Variants in MYO3A observed in about 807,000 individuals in gnomAD.
The protein encoded by MYO3A is myosin-IIIa.
Under a neutral mutation model 192.7 loss-of-function variants are expected in MYO3A, and 180 were observed. That is an observed-to-expected ratio of 0.93 (90% confidence interval 0.83 to 1.06). The LOEUF (loss-of-function observed/expected upper bound fraction) is 1.06. MYO3A is among the 50% of genes least tolerant of loss of function. MYO3A has a pLI of 0.00. For missense variants in MYO3A, 1,896 were observed against 1,905.0 expected (o/e 1.00, Z 0.09); for synonymous variants, 628 against 645.3 (o/e 0.97, Z 0.41).
chr10:26,102,577 T>C lies in MYO3A; in HGVS notation c.1776+5895T>C, dbSNP rs557243773. On this transcript the variant is annotated intron_variant, in intron 17 of 34. Coordinates refer to ENST00000642920, the MANE Select transcript of MYO3A (RefSeq NM_017433.5). ...AATGATGGTGATGTACAGATGGGCT[T>C]TTGGTGTGTATGTCCTTTCTATTTG... Among the ~76,000 whole-genome samples the C allele has an allele frequency of 7.2e-4, 110 of 152,294 alleles. 1 individual carries two copies. Among genetic ancestry groups the C allele is most frequent in the African/African-American group, 2.6e-3 (107 of 41,566 alleles).
rs116929909 is a variant in MYO3A at position 26,101,464 on chromosome 10, G to C, written c.1776+4782G>C. Among the ~76,000 whole-genome samples, 95 of 152,246 alleles carry C rather than the reference G, an allele frequency of 6.2e-4. 4 individuals carry two copies. In the East Asian group the frequency reaches 0.018, roughly 29 times the overall value. ...ATGATGTTACCTGGTTATTTTGCTTGTTCTTTGATGCAGTTTCTTCCTAGC... is the reference window on the plus strand; with the variant it reads ...ATGATGTTACCTGGTTATTTTGCTTCTTCTTTGATGCAGTTTCTTCCTAGC... On this transcript the variant is annotated intron_variant, in intron 17 of 34. Transcript: ENST00000642920.
chr10:25,941,259 GT>G, intron 2 of MYO3A, among the ~76,000 whole-genome samples: 1 of 152,190 alleles, frequency 6.6e-6, no homozygotes, highest in South Asian at 2.1e-4. Flanking sequence ...AACCCTGACA[GT>G]TTCTGTCCTA....
chr10:25,998,311 T>C (rs12254208), intron 6 of MYO3A, among the ~76,000 whole-genome samples: 14,549 of 152,226 alleles, frequency 0.096, 1,234 homozygotes, highest in African/African-American at 0.22. Flanking sequence ...CTTTAATATC[T>C]AAGTATTTTG....
intron 32 of MYO3A, among the ~76,000 whole-genome samples, chr10:26,199,870 G>A (rs1843603687): frequency 6.6e-6 from 1 of 152,258 alleles, no homozygotes; most frequent in African/African-American, 2.4e-5. Flanking sequence ...TTTTTTTCAG[G>A]TAATGGATGA....
intron 20 of MYO3A, among the ~76,000 whole-genome samples, chr10:26,133,367 T>C (rs963082258): frequency 6.6e-6 from 1 of 152,152 alleles, no homozygotes; most frequent in African/African-American, 2.4e-5. Context: ...TGGTTGGAGG[T>C]GTTTCGGGAC....
intron 25 of MYO3A, among the ~76,000 whole-genome samples, chr10:26,155,190 GGCT>G (rs1841041367): frequency 6.6e-6 from 1 of 152,184 alleles, no homozygotes; most frequent in African/African-American, 2.4e-5. Context: ...GATAGGGCAA[GGCT>G]GAGCATCCAT....
chr10:25,969,055 C>T lies in MYO3A; in HGVS notation c.303+14047C>T, dbSNP rs556759632. Among the ~76,000 whole-genome samples, 17 of 152,248 alleles carry T rather than the reference C, an allele frequency of 1.1e-4. No homozygotes were observed. The Middle Eastern group carries it at 0.014, about 122-fold the overall frequency. On this transcript the variant is annotated intron_variant, in intron 4 of 34. Coordinates refer to ENST00000642920, the MANE Select transcript of MYO3A (RefSeq NM_017433.5). ...GAGATCAAGACCATCCTGGCTAATA[C>T]GGTGAAACCCCATCTCTACTAAAAA...
chr10:26,023,300 G>A (rs1466468471), intron 8 of MYO3A: 11 of 152,182 alleles, frequency 7.2e-5, no homozygotes, highest in Admixed American at 6.6e-4. Flanking sequence ...ACAAAGAGCT[G>A]TTAGAATTAA....
At chr10:26,018,802 G>T (rs1371808567) in intron 7 of MYO3A, among the ~76,000 whole-genome samples, 3 of 152,126 alleles carry the variant, frequency 2.0e-5, no homozygotes, top group Non-Finnish European at 4.4e-5. Flanking sequence ...GAGCCTATAT[G>T]GGTAGATATC....
At position 26,193,231 on chromosome 10, in the gene MYO3A, A is replaced by C; in HGVS notation, c.4465A>C (p.Ile1489Leu). 1 of 1,613,982 alleles carries C rather than the reference A, an allele frequency of 6.2e-7. No individual in the cohort carries two copies. The highest frequency in any genetic ancestry group is 1.1e-5 in the South Asian group (1 of 91,054). The change falls in exon 32 of 35, where the codon ATA becomes CTA. Residue 1489 changes from isoleucine to leucine, a missense_variant. Transcript: ENST00000642920. ...TGTCTGTAAAGGAGAGGAGCCAAAAATATTGAGACCCCCAAGACGACCCCG... is the reference window on the plus strand; with the variant it reads ...TGTCTGTAAAGGAGAGGAGCCAAAACTATTGAGACCCCCAAGACGACCCCG... ...SGVCKGEEPK[I>L]LRPPRRPRKP...
chr10:26,106,214 A>G (rs976515261), intron 17 of MYO3A, among the ~76,000 whole-genome samples: 1 of 152,100 alleles, frequency 6.6e-6, no homozygotes, highest in African/African-American at 2.4e-5. Flanking sequence ...TTTTTGGAGC[A>G]CTGTGATTTT....
Position 26,092,968 on chromosome 10 carries a change from A to G in MYO3A, c.1563-3413A>G, listed in dbSNP as rs543623985. 1.2e-4 allele frequency among the ~76,000 whole-genome samples: 18 copies of G among 152,238 alleles called. 1 individual carries two copies. The South Asian group carries it at 2.9e-3, about 25-fold the overall frequency. On this transcript the variant is annotated intron_variant, in intron 15 of 34. Coordinates refer to ENST00000642920, the MANE Select transcript of MYO3A (RefSeq NM_017433.5). ...TCCGCTGAAGATCAGTATATTCCCA[A>G]TAGTATCTCCAGATCTTTTCAAATT...
At chr10:25,996,806 C>G (rs1840471125) in intron 5 of MYO3A, among the ~76,000 whole-genome samples, 3 of 152,090 alleles carry the variant, frequency 2.0e-5, no homozygotes, top group South Asian at 4.1e-4. Context: ...GAATTCTGAC[C>G]TCTTAAGTGT....
intron 14 of MYO3A, among the ~76,000 whole-genome samples, chr10:26,073,518 G>C (rs1203606177): frequency 2.0e-5 from 3 of 150,968 alleles, no homozygotes; most frequent in Admixed American, 1.3e-4. Flanking sequence ...GCATGAACCT[G>C]GGAGGCAGAG....
intron 31 of MYO3A, among the ~76,000 whole-genome samples, chr10:26,189,286 A>G (rs948605952): frequency 1.3e-5 from 2 of 152,206 alleles, no homozygotes; most frequent in African/African-American, 4.8e-5. Flanking sequence ...TTACCTCGCT[A>G]AAGACCCTAT....
At chr10:26,210,228 C>T (rs1844163555) in intron 34 of MYO3A, among the ~76,000 whole-genome samples, 1 of 152,138 alleles carries the variant, frequency 6.6e-6, no homozygotes, top group South Asian at 2.1e-4. Flanking sequence ...CTAGCCTTGC[C>T]ATGACTTATA....
intron 17 of MYO3A, among the ~76,000 whole-genome samples, chr10:26,102,363 C>G (rs778334087): frequency 2.0e-5 from 3 of 152,026 alleles, no homozygotes; most frequent in Non-Finnish European, 4.4e-5. Flanking sequence ...TCGGAGAAGT[C>G]TGTTATTACC....
intron 6 of MYO3A, among the ~76,000 whole-genome samples, chr10:26,012,442 C>T (rs911753258): frequency 5.3e-5 from 8 of 152,196 alleles, no homozygotes; most frequent in Admixed American, 3.9e-4. Flanking sequence ...TGCTATACCC[C>T]AAAACGACCA....
intron 31 of MYO3A, among the ~76,000 whole-genome samples, chr10:26,189,311 A>C (rs955961401): frequency 1.3e-5 from 2 of 152,238 alleles, no homozygotes; most frequent in Non-Finnish European, 2.9e-5. Flanking sequence ...AAATACAGTC[A>C]CATTCTGAGC....
Sources: allele counts gnomAD v4.1 joint callset (sites outside exome capture counted in the v4.1 genomes callset), GRCh38; gene constraint gnomAD v4.1.1; transcripts MANE v1.5; gene names NCBI Gene and HGNC (gene_info 2026-07-23, HGNC 2026-07-21).